Variants in KCNH1 observed in about 807,000 individuals in gnomAD.
The protein encoded by KCNH1 is voltage-gated delayed rectifier potassium channel KCNH1.
Under a neutral mutation model 69.2 loss-of-function variants are expected in KCNH1, and 27 were observed. The observed-to-expected ratio is 0.39, with a 90% CI of 0.29 to 0.54. KCNH1 has a LOEUF of 0.54. KCNH1 is among the 20% of genes least tolerant of loss of function. The probability of loss-of-function intolerance (pLI) is 0.68; values close to 1 mark genes in which losing one functional copy is unlikely to be tolerated. For synonymous variants in KCNH1, 456 were observed against 487.7 expected (o/e 0.93, Z 0.86); for missense variants, 798 against 1,261.6 (o/e 0.63, Z 5.57).
intron 9 of KCNH1, among the ~76,000 whole-genome samples, chr1:210,790,270 C>G (rs1684187333): frequency 6.6e-6 from 1 of 152,230 alleles, no homozygotes; most frequent in Non-Finnish European, 1.5e-5. Flanking sequence ...GCTGGACTCT[C>G]CACTTGGATA....
chr1:211,059,695 A>G (rs1245976685), intron 5 of KCNH1, among the ~76,000 whole-genome samples: 1 of 151,984 alleles, frequency 6.6e-6, no homozygotes, highest in Non-Finnish European at 1.5e-5. Flanking sequence ...GTGAGCCGAG[A>G]TTGCGCCACT....
intron 10 of KCNH1, among the ~76,000 whole-genome samples, chr1:210,686,303 C>T (rs1472901895): frequency 1.3e-5 from 2 of 152,180 alleles, no homozygotes; most frequent in Non-Finnish European, 2.9e-5. Context: ...ATGGCCTCTG[C>T]TCTCCATTGA....
At chr1:211,102,158 A>C (rs1691269411) in intron 3 of KCNH1, among the ~76,000 whole-genome samples, 1 of 152,240 alleles carries the variant, frequency 6.6e-6, no homozygotes, top group East Asian at 1.9e-4. Flanking sequence ...ACAGCTAGGA[A>C]AAGGCAGATT....
intron 6 of KCNH1, among the ~76,000 whole-genome samples, chr1:210,989,888 T>G (rs982608659): frequency 6.6e-6 from 1 of 152,244 alleles, no homozygotes; most frequent in African/African-American, 2.4e-5. Flanking sequence ...ACTAGCCCAA[T>G]TTATTTTAAA....
intron 5 of KCNH1, among the ~76,000 whole-genome samples, chr1:211,064,342 C>T (rs1256765340): frequency 4.6e-5 from 7 of 152,184 alleles, no homozygotes; most frequent in African/African-American, 1.7e-4. Context: ...GGGTGGATCA[C>T]GAGGTCAGGA....
chr1:210,893,140 A>G (rs763039699), intron 7 of KCNH1, among the ~76,000 whole-genome samples: 1 of 152,170 alleles, frequency 6.6e-6, no homozygotes, highest in Non-Finnish European at 1.5e-5. Flanking sequence ...ATTTTCATTC[A>G]GTATCATTTT....
At chr1:210,748,282 C>A (rs542748286) in intron 10 of KCNH1, among the ~76,000 whole-genome samples, 1 of 152,164 alleles carries the variant, frequency 6.6e-6, no homozygotes, top group Non-Finnish European at 1.5e-5. Context: ...GATGCCCAAC[C>A]CTGACCATCA....
chr1:210,982,784 C>T (rs575346088), intron 6 of KCNH1, among the ~76,000 whole-genome samples: 1 of 152,262 alleles, frequency 6.6e-6, no homozygotes, highest in South Asian at 2.1e-4. Context: ...GGTATACACC[C>T]AGTAATGGGA....
chr1:210,787,181 G>A (rs1170204740), intron 9 of KCNH1, among the ~76,000 whole-genome samples: 1 of 148,598 alleles, frequency 6.7e-6, no homozygotes, highest in African/African-American at 2.5e-5. Context: ...TTTCCCAGAT[G>A]TGTCTCCAAA....
rs545388862 is a variant in KCNH1 at position 211,002,353 on chromosome 1, T to TAC, written c.1032+16428_1032+16429dup. 5.3e-3 allele frequency among the ~76,000 whole-genome samples: 773 copies of TAC among 145,024 alleles called. 1 individual carries two copies. The highest frequency in any genetic ancestry group is 6.2e-3 in the East Asian group (31 of 5,038). The stretch of plus-strand genomic sequence containing the variant: ...GTGTGTGTGTGTATATATATATATA[T>TAC]ACACACACACATATATATATACACC... On this transcript the variant is annotated intron_variant, in intron 6 of 10. Transcript: ENST00000271751.
Position 210,745,235 on chromosome 1 carries a change from A to G in KCNH1, c.2112+30113T>C, listed in dbSNP as rs151145228. ...AATAATAATAAATTGTTTAAGTGCT[A>G]TGAAGAAAAAAAAATGCCATGAGTA... is the stretch of plus-strand genomic sequence containing the variant. On this transcript the variant is annotated intron_variant, in intron 10 of 10. Coordinates refer to ENST00000271751, the MANE Select transcript of KCNH1 (RefSeq NM_172362.3). Among the ~76,000 whole-genome samples, 488 of 151,976 alleles carry G rather than the reference A, an allele frequency of 3.2e-3. 1 individual carries two copies. The highest frequency in any genetic ancestry group is 0.011 in the African/African-American group (465 of 41,352).
chr1:210,804,178 G>A lies in KCNH1; in HGVS notation c.1463-12C>T. On this transcript the variant is annotated splice_polypyrimidine_tract_variant and intron_variant, in intron 7 of 10. Coordinates refer to ENST00000271751, the MANE Select transcript of KCNH1 (RefSeq NM_172362.3). ...GGCATAGAGAAGTGCTAGAGGTGAG[G>A]AGGAGGAGCAAAAGAAGAAATAACA... 6.2e-7 allele frequency: 1 copy of A among 1,600,266 alleles called. No homozygotes were observed. The highest frequency in any genetic ancestry group is 1.3e-5 in the African/African-American group (1 of 74,848).
chr1:210,744,211 C>T (rs1378499041), intron 10 of KCNH1, among the ~76,000 whole-genome samples: 6 of 152,190 alleles, frequency 3.9e-5, no homozygotes, highest in Non-Finnish European at 8.8e-5. Context: ...AATGAGGAAC[C>T]CATGTCTATC....
intron 6 of KCNH1, among the ~76,000 whole-genome samples, chr1:210,947,013 T>A (rs1332633874): frequency 6.6e-6 from 1 of 152,182 alleles, no homozygotes; most frequent in African/African-American, 2.4e-5. Flanking sequence ...CCCCTCACCA[T>A]CTTATATGTA....
intron 7 of KCNH1, among the ~76,000 whole-genome samples, chr1:210,837,332 C>A (rs1685305098): frequency 6.6e-6 from 1 of 152,108 alleles, no homozygotes; most frequent in Non-Finnish European, 1.5e-5. Context: ...TGGCACTTTG[C>A]TTGCATCTGT....
intron 7 of KCNH1, among the ~76,000 whole-genome samples, chr1:210,892,538 T>TA (rs565755216): frequency 2.0e-4 from 30 of 152,134 alleles, no homozygotes; most frequent in Admixed American, 3.9e-4. Context: ...CCATATTTTT[T>TA]AAAAAAACAC....
At chr1:210,940,274 G>C (rs1172204081) in intron 6 of KCNH1, among the ~76,000 whole-genome samples, 1 of 152,176 alleles carries the variant, frequency 6.6e-6, no homozygotes, top group Non-Finnish European at 1.5e-5. Flanking sequence ...GAAGACACAT[G>C]CCCTTATGTT....
intron 7 of KCNH1, among the ~76,000 whole-genome samples, chr1:210,815,068 C>A (rs1684785916): frequency 1.3e-5 from 2 of 152,158 alleles, no homozygotes; most frequent in African/African-American, 4.8e-5. Flanking sequence ...GGAACAGCAG[C>A]ATCACAACAT....
chr1:210,820,979 T>C (rs941154527), intron 7 of KCNH1, among the ~76,000 whole-genome samples: 1 of 152,164 alleles, frequency 6.6e-6, no homozygotes, highest in Admixed American at 6.5e-5. Flanking sequence ...ATTTGTGTTG[T>C]TTTAAGCCAC....
Sources: gnomAD v4.1 joint callset for allele counts (sites outside exome capture counted in the v4.1 genomes callset) on GRCh38, gnomAD v4.1.1 for gene constraint, MANE v1.5 for transcripts, NCBI Gene and HGNC (gene_info 2026-07-23, HGNC 2026-07-21) for gene names.